The following ADAMTSL1 variants were observed in gnomAD, a reference collection of about 807,000 sequenced individuals.
ADAMTSL1 encodes the protein ADAMTS-like protein 1.
ADAMTSL1 carries 126 observed loss-of-function variants against 201.8 expected under a neutral mutation model. The observed-to-expected ratio is 0.62, with a 90% CI of 0.54 to 0.72. The LOEUF (loss-of-function observed/expected upper bound fraction) is 0.72, where lower values mean the gene tolerates loss of function less well. ADAMTSL1 is among the 30% of genes least tolerant of loss of function. The probability of loss-of-function intolerance (pLI) is 0.00; values close to 1 mark genes in which losing one functional copy is unlikely to be tolerated. For synonymous variants in ADAMTSL1, 1,121 were observed against 903.4 expected, an observed-to-expected ratio of 1.24 and a Z score of -4.32; for missense variants, 2,679 against 2,277.8, an observed-to-expected ratio of 1.18 and a Z score of -3.59.
intron 14 of ADAMTSL1, among the ~76,000 whole-genome samples, chr9:18,714,709 A>G (rs1832811960): frequency 6.6e-6 from 1 of 151,928 alleles, no homozygotes; most frequent in African/African-American, 2.4e-5. Flanking sequence ...AACTATTCCA[A>G]TCAATAGAAA....
chr9:18,390,305 A>C (rs67776100), intron 2 of ADAMTSL1, among the ~76,000 whole-genome samples: 19,182 of 152,194 alleles, frequency 0.13, 1,269 homozygotes, highest in South Asian at 0.24. Context: ...ATCATGACAC[A>C]CTGACACGTA....
intron 1 of ADAMTSL1, among the ~76,000 whole-genome samples, chr9:18,492,010 A>C (rs970157836): frequency 1.3e-5 from 2 of 152,222 alleles, no homozygotes; most frequent in East Asian, 3.8e-4. Context: ...TAGAGAATGC[A>C]TGGCTTGATT....
At chr9:18,296,269 A>G (rs546218174) in intron 2 of ADAMTSL1, among the ~76,000 whole-genome samples, 84 of 152,328 alleles carry the variant, frequency 5.5e-4, no homozygotes, top group African/African-American at 1.9e-3. Flanking sequence ...TATAAAACAT[A>G]ACCAAATATA....
chr9:18,054,477 A>T (rs574311265), intron 1 of ADAMTSL1, among the ~76,000 whole-genome samples: 51 of 152,316 alleles, frequency 3.3e-4, no homozygotes, highest in African/African-American at 1.2e-3. Flanking sequence ...TCTGCTTTTC[A>T]TTATTCTGTA....
At chr9:18,565,441 G>T (rs1397277300) in intron 3 of ADAMTSL1, among the ~76,000 whole-genome samples, 2 of 152,074 alleles carry the variant, frequency 1.3e-5, no homozygotes, top group African/African-American at 4.8e-5. Context: ...AGACTTGAGA[G>T]TTTGGGGGAA....
chr9:18,721,808 A>G (rs1833402173), intron 15 of ADAMTSL1, 143 bp downstream of exon 15: 3 of 1,319,560 alleles, frequency 2.3e-6, no homozygotes, highest in Non-Finnish European at 2.0e-6. Flanking sequence ...AGTCAAATCC[A>G]CTTAAGTTTA....
chr9:18,459,730 G>A (rs1408337768), intron 2 of ADAMTSL1, among the ~76,000 whole-genome samples: 1 of 152,178 alleles, frequency 6.6e-6, no homozygotes, highest in Non-Finnish European at 1.5e-5. Flanking sequence ...TAAAGTTTGA[G>A]GAGTTAGATG....
At chr9:17,988,748 C>A (rs533742825) in intron 1 of ADAMTSL1, among the ~76,000 whole-genome samples, 19 of 151,752 alleles carry the variant, frequency 1.3e-4, no homozygotes, top group Non-Finnish European at 2.4e-4. Context: ...AACTCTTTTC[C>A]TTTTTCAGAG....
intron 9 of ADAMTSL1, among the ~76,000 whole-genome samples, chr9:18,674,197 G>GGCAC (rs1491439306): frequency 1.8e-4 from 17 of 97,006 alleles, no homozygotes; most frequent in African/African-American, 5.0e-4. Context: ...TACACACACA[G>GGCAC]GCACACACAC....
chr9:18,323,853 T>C (rs1300194749), intron 2 of ADAMTSL1, among the ~76,000 whole-genome samples: 1 of 152,184 alleles, frequency 6.6e-6, no homozygotes, highest in Non-Finnish European at 1.5e-5. Flanking sequence ...TGGAAAGATA[T>C]GCCATGTACG....
rs189970189 is a variant in ADAMTSL1, at chr9:18,016,206, A to T, written c.87+109284A>T. On this transcript the variant is annotated intron_variant, in intron 1 of 29. Transcript: ENST00000680146. ...TTCTTTCTAGTGAAAACAGAAACAC[A>T]ATTAGTTGTCATTGAATTTAGGACT... is the stretch of plus-strand genomic sequence containing the variant. Among the ~76,000 whole-genome samples, 3 of 152,116 alleles carry T rather than the reference A, an allele frequency of 2.0e-5. No individual in the cohort carries two copies. The East Asian group carries it at 5.8e-4, about 30-fold the overall frequency.
intron 2 of ADAMTSL1, among the ~76,000 whole-genome samples, chr9:18,417,456 A>G (rs1818737992): frequency 6.6e-6 from 1 of 151,830 alleles, no homozygotes; most frequent in Non-Finnish European, 1.5e-5. Flanking sequence ...ATAAAAATAA[A>G]AGCAGTTCTT....
At chr9:18,204,232 T>A (rs1025983774) in intron 2 of ADAMTSL1, among the ~76,000 whole-genome samples, 1 of 152,112 alleles carries the variant, frequency 6.6e-6, no homozygotes, top group Non-Finnish European at 1.5e-5. Flanking sequence ...AGAGACCAGG[T>A]GGAGGTAATT....
At chr9:18,804,555 A>C (rs1018550143) in intron 20 of ADAMTSL1, among the ~76,000 whole-genome samples, 4 of 152,238 alleles carry the variant, frequency 2.6e-5, no homozygotes, top group African/African-American at 9.6e-5. Flanking sequence ...ATTGTCAGGT[A>C]GTGAGATCCA....
chr9:18,090,041 G>A (rs1409836847), intron 1 of ADAMTSL1, among the ~76,000 whole-genome samples: 1 of 152,132 alleles, frequency 6.6e-6, no homozygotes, highest in Admixed American at 6.6e-5. Flanking sequence ...TTCATTTTTA[G>A]TTTAAATGCT....
chr9:17,984,705 C>T (rs1192254422), intron 1 of ADAMTSL1, among the ~76,000 whole-genome samples: 1 of 152,098 alleles, frequency 6.6e-6, no homozygotes, highest in Non-Finnish European at 1.5e-5. Context: ...CCTAGGCTTG[C>T]AAGATTCTGA....
At chr9:18,265,164 C>T (rs1832073954) in intron 2 of ADAMTSL1, among the ~76,000 whole-genome samples, 1 of 152,144 alleles carries the variant, frequency 6.6e-6, no homozygotes, top group Admixed American at 6.5e-5. Context: ...GAAACACTGA[C>T]CTAAGCTCCA....
chr9:18,731,825 A>G (rs997582062), intron 15 of ADAMTSL1, among the ~76,000 whole-genome samples: 1 of 152,142 alleles, frequency 6.6e-6, no homozygotes, highest in Non-Finnish European at 1.5e-5. Context: ...TTAAATGACC[A>G]GATATCACAA....
At chr9:18,646,575 A>G (rs1827824924) in intron 7 of ADAMTSL1, among the ~76,000 whole-genome samples, 1 of 143,750 alleles carries the variant, frequency 7.0e-6, no homozygotes, top group African/African-American at 2.6e-5. Flanking sequence ...TCAATACCTA[A>G]TTTATTGAGA....
Sources: gnomAD v4.1 joint callset for allele counts (sites outside exome capture counted in the v4.1 genomes callset) on GRCh38, gnomAD v4.1.1 for gene constraint, MANE v1.5 for transcripts, NCBI Gene and HGNC (gene_info 2026-07-23, HGNC 2026-07-21) for gene names.